Variants in UBA3 observed in about 807,000 individuals in gnomAD.
UBA3 encodes ubiquitin like modifier activating enzyme 3.
UBA3 carries 26 observed loss-of-function variants against 73.5 expected under a neutral mutation model. The ratio of observed to expected loss-of-function variants is 0.35; its 90% confidence interval spans 0.26 to 0.49. The LOEUF (loss-of-function observed/expected upper bound fraction) is 0.49, where lower values mean the gene tolerates loss of function less well. UBA3 is among the 20% of genes least tolerant of loss of function. UBA3 has a pLI of 0.98. For missense variants in UBA3, 495 were observed against 555.6 expected, an observed-to-expected ratio of 0.89 and a Z score of 1.10; for synonymous variants, 217 against 191.2, an observed-to-expected ratio of 1.13 and a Z score of -1.11.
chr3:69,071,721 A>AT, intron 4 of UBA3, 104 bp from the exon 5 acceptor site: 1 of 662,546 alleles, frequency 1.5e-6, no homozygotes, highest in Non-Finnish European at 2.4e-6. Context: ...TCAGTAATAA[A>AT]TTCTGTGTAA....
In UBA3 at chr3:69,057,261, A is replaced by T; in HGVS notation, c.959T>A (p.Ile320Asn). ...IPAVASTNAV[I>N]AAVCATEVFK... ...GATGGCCTTTTCTTCCTCACCTGCA[A>T]TGACTGCATTTGTGGAAGCTACTGC... is the stretch of plus-strand genomic sequence containing the variant. Residue 320 changes from isoleucine (I) to asparagine (N), a missense_variant, in exon 12 of 18, where the codon ATT becomes AAT. Transcript: ENST00000361055. The T allele has an allele frequency of 6.2e-7, 1 of 1,611,194 alleles. No homozygotes were observed. Among genetic ancestry groups the T allele is most frequent in the Non-Finnish European group, 8.5e-7 (1 of 1,179,370 alleles).
intron 3 of UBA3, among the ~76,000 whole-genome samples, chr3:69,076,764 CT>C (rs1180574665): frequency 8.5e-4 from 122 of 144,232 alleles, no homozygotes; most frequent in African/African-American, 8.4e-4. Flanking sequence ...TTTTTTCTTT[CT>C]TTTTTTTTTT....
At chr3:69,071,759 G>A (rs935293986) in intron 4 of UBA3, 142 bp from the exon 5 acceptor site, 2 of 541,706 alleles carry the variant, frequency 3.7e-6, no homozygotes, top group South Asian at 3.1e-5. Flanking sequence ...AAAGACTCTT[G>A]CAAGGTATAT....
At chr3:69,057,333 T>G (rs759681377) in intron 11 of UBA3, 24 bp from the exon 12 acceptor site, 1 of 1,593,774 alleles carries the variant, frequency 6.3e-7, no homozygotes, top group South Asian at 1.1e-5. Context: ...TCAATTAAAA[T>G]ATGGTCATTT....
intron 11 of UBA3, 191 bp downstream of exon 11, chr3:69,061,623 T>C (rs1396612321): frequency 6.3e-6 from 3 of 479,534 alleles, no homozygotes; most frequent in Admixed American, 3.7e-5. Flanking sequence ...GGATGACTTA[T>C]AGCCTAAGTA....
rs1559640425 is a variant in UBA3, at chr3:69,057,323, T to C, written c.911-14A>G. On this transcript the variant is annotated splice_polypyrimidine_tract_variant and intron_variant, in intron 11 of 17. Coordinates refer to ENST00000361055, the MANE Select transcript of UBA3 (RefSeq NM_003968.4). ...TTTTTACTACCCCTGAAAAAACATA[T>C]CAATTAAAATATGGTCATTTCTTTA... is the stretch of plus-strand genomic sequence containing the variant. 1.2e-6 allele frequency: 2 copies of C among 1,602,988 alleles called. No individual in the cohort carries two copies. The highest frequency in any genetic ancestry group is 2.3e-5 in the East Asian group (1 of 44,402).
At chr3:69,062,337 A>T (rs6800465) in intron 9 of UBA3, among the ~76,000 whole-genome samples, 158 bp from the exon 10 acceptor site, 82,938 of 152,172 alleles carry the variant, frequency 0.55, 22,901 homozygotes, top group East Asian at 0.82. Flanking sequence ...ATACAGATTA[A>T]CTGAGTCACT....
chr3:69,058,355 T>C (rs73110235), intron 11 of UBA3, among the ~76,000 whole-genome samples: 132 of 152,298 alleles, frequency 8.7e-4, no homozygotes, highest in Non-Finnish European at 1.7e-3. Flanking sequence ...AAAGTAGCCA[T>C]TTTATCTCAC....
rs1278012672 is a variant in UBA3, at chr3:69,063,434, T to C, written c.537+5A>G. 1.2e-6 allele frequency: 2 copies of C among 1,600,342 alleles called. No individual in the cohort carries two copies. Among genetic ancestry groups the C allele is most frequent in the South Asian group, 2.3e-5 (2 of 86,620 alleles). On this transcript the variant is annotated splice_donor_5th_base_variant and intron_variant, in intron 8 of 17. Coordinates refer to ENST00000361055, the MANE Select transcript of UBA3 (RefSeq NM_003968.4). ...AGAGAACTATAACAATACTAAAGTC[T>C]TTACCAGCATGCCATTTATCCATCT... is the stretch of plus-strand genomic sequence containing the variant.
chr3:69,059,928 C>T (rs921332681), intron 11 of UBA3, among the ~76,000 whole-genome samples: 3 of 152,114 alleles, frequency 2.0e-5, no homozygotes, highest in Non-Finnish European at 4.4e-5. Flanking sequence ...AACTTAGCAA[C>T]TCAGGAAAAT....
At position 69,077,069 on chromosome 3, in the gene UBA3, T is replaced by C. The variant is rs527996765; in HGVS notation, c.183+729A>G. ...AAGCACAAGAAAATATGGTGTGTTA[T>C]CTAAAGAAAGACAGAATTAATACTT... On this transcript the variant is annotated intron_variant, in intron 3 of 17. Transcript: ENST00000361055. Among the ~76,000 whole-genome samples the C allele has an allele frequency of 4.0e-5, 6 of 151,508 alleles. No homozygotes were observed. The East Asian group carries it at 1.2e-3, about 29-fold the overall frequency.
At chr3:69,078,783 T>A (rs2092192457) in intron 2 of UBA3, among the ~76,000 whole-genome samples, 1 of 152,330 alleles carries the variant, frequency 6.6e-6, no homozygotes, top group East Asian at 1.9e-4. Context: ...GAGGTCTTAA[T>A]TTTTTAAAGA....
intron 5 of UBA3, among the ~76,000 whole-genome samples, chr3:69,068,874 A>C (rs1334970016): frequency 6.6e-6 from 1 of 152,144 alleles, no homozygotes; most frequent in Non-Finnish European, 1.5e-5. Context: ...CCCGGCACCA[A>C]GTTTTTAAAG....
chr3:69,061,423 G>C (rs1291577222), intron 11 of UBA3, among the ~76,000 whole-genome samples: 1 of 152,206 alleles, frequency 6.6e-6, no homozygotes, highest in Non-Finnish European at 1.5e-5. Flanking sequence ...TCGAACTCCT[G>C]ACCTCAGGTG....
rs561067037 is a variant in UBA3 at position 69,077,718 on chromosome 3, G to A, written c.183+80C>T. 3 of 1,385,564 alleles carry A rather than the reference G, an allele frequency of 2.2e-6. No individual in the cohort carries two copies. In the East Asian group the frequency reaches 7.6e-5, roughly 35 times the overall value. 85.8% of individuals were successfully genotyped at this position (1,385,564 alleles called of 1,614,324 possible). On this transcript the variant is annotated intron_variant, in intron 3 of 17. Transcript: ENST00000361055. ...TTTTATTAGTATTTTCATTGTAAGA[G>A]CAAATTAAAAAAGAAGCATTCTATT...
At chr3:69,055,747 C>A in intron 17 of UBA3, 104 bp downstream of exon 17, 1 of 1,106,140 alleles carries the variant, frequency 9.0e-7, no homozygotes, top group East Asian at 2.4e-5. Flanking sequence ...ATTACCTGAC[C>A]ATATACAAGG....
Position 69,063,087 on chromosome 3 carries a change from G to C in UBA3, c.588C>G (p.Val196=), listed in dbSNP as rs151097036. 6.2e-7 allele frequency: 1 copy of C among 1,614,056 alleles called. No homozygotes were observed. The highest frequency in any genetic ancestry group is 1.1e-5 in the South Asian group (1 of 91,080). ...EDGVLDPSSI[V]PLIDGGTEGF... is the part of the protein sequence containing the mutation. ...CTTCTGTCCCCCCATCTATCAAAGG[G>C]ACAATGGAGCTTGGATCTAAGACAC... Residue 196 remains valine (V), a synonymous_variant, in exon 9 of 18, where the codon GTC becomes GTG. Coordinates refer to ENST00000361055, the MANE Select transcript of UBA3 (RefSeq NM_003968.4).
chr3:69,057,360 T>G (rs1356469604), intron 11 of UBA3, 51 bp from the exon 12 acceptor site: 1 of 1,498,098 alleles, frequency 6.7e-7, no homozygotes, highest in Non-Finnish European at 9.1e-7. Context: ...AATAAAAGAG[T>G]TCTCTTAAAT....
In UBA3 at chr3:69,055,566, T is replaced by G; in HGVS notation, c.1304-41A>C. On this transcript the variant is annotated intron_variant, in intron 17 of 17. Coordinates refer to ENST00000361055, the MANE Select transcript of UBA3 (RefSeq NM_003968.4). The stretch of plus-strand genomic sequence containing the variant: ...TATTATTAATACAAGCAAAAAAAAC[T>G]CAACAGAAAGGATAATACACATGTA... 5 of 1,472,736 alleles carry G rather than the reference T, an allele frequency of 3.4e-6. No individual in the cohort carries two copies. The Middle Eastern group carries it at 7.3e-4, about 216-fold the overall frequency. The allele number at this position is 1,472,736 out of a possible 1,614,324, so 91.2% of individuals were successfully genotyped here. A position where few individuals can be genotyped will look rare whatever the true frequency, so the allele number is the denominator to read the frequency against.
Sources: allele counts gnomAD v4.1 joint callset (sites outside exome capture counted in the v4.1 genomes callset), GRCh38; gene constraint gnomAD v4.1.1; transcripts MANE v1.5; gene names NCBI Gene and HGNC (gene_info 2026-07-23, HGNC 2026-07-21).